The following FARP2 variants were observed in gnomAD, a reference collection of about 807,000 sequenced individuals.
FARP2 encodes the protein FERM, ARH/RhoGEF and pleckstrin domain protein 2.
Under a neutral mutation model 130.5 loss-of-function variants are expected in FARP2, and 111 were observed. That is an observed-to-expected ratio of 0.85 (90% CI 0.73 to 1.00). The LOEUF is 1.00. Ranked by LOEUF, FARP2 falls within the 50% of genes least tolerant of loss-of-function variation. The pLI, the probability that FARP2 is intolerant of heterozygous loss-of-function variation, is 0.00. For missense variants in FARP2, 1,385 were observed against 1,346.3 expected, an observed-to-expected ratio of 1.03 and a Z score of -0.45; for synonymous variants, 504 against 516.9, an observed-to-expected ratio of 0.98 and a Z score of 0.34.
At chr2:241,491,830 A>G (rs1315354413) in intron 24 of FARP2, 151 bp downstream of exon 24, 6 of 729,076 alleles carry the variant, frequency 8.2e-6, no homozygotes, top group Non-Finnish European at 1.3e-5. Flanking sequence ...AGAAGTTGGT[A>G]TGGAAAGTGC....
At chr2:241,419,931 C>G (rs1055783500) in intron 8 of FARP2, among the ~76,000 whole-genome samples, 3 of 152,154 alleles carry the variant, frequency 2.0e-5, no homozygotes, top group African/African-American at 7.2e-5. Flanking sequence ...GGGCAGATTG[C>G]TTGAGTCCAG....
chr2:241,395,233 T>C (rs2062001778), intron 2 of FARP2, among the ~76,000 whole-genome samples: 1 of 152,180 alleles, frequency 6.6e-6, no homozygotes, highest in Admixed American at 6.6e-5. Context: ...GAATATCTGC[T>C]CCTCTTCTAC....
chr2:241,437,380 A>T (rs1032260165), intron 12 of FARP2, among the ~76,000 whole-genome samples: 3 of 152,190 alleles, frequency 2.0e-5, no homozygotes, highest in African/African-American at 7.2e-5. Flanking sequence ...CTCATGTTTC[A>T]GGTCTACTTC....
At chr2:241,457,891 T>C (rs1171254176) in intron 14 of FARP2, among the ~76,000 whole-genome samples, 1 of 152,146 alleles carries the variant, frequency 6.6e-6, no homozygotes, top group Non-Finnish European at 1.5e-5. Flanking sequence ...TTCTCTGCTG[T>C]TGTGGCACGG....
At chr2:241,428,500 A>G (rs73116394) in intron 8 of FARP2, among the ~76,000 whole-genome samples, 14,587 of 151,916 alleles carry the variant, frequency 0.096, 771 homozygotes, top group Middle Eastern at 0.12. Flanking sequence ...CTGGCCTTCA[A>G]TATTTTACTT....
At chr2:241,419,839 G>A (rs761462034) in intron 8 of FARP2, among the ~76,000 whole-genome samples, 30 of 152,180 alleles carry the variant, frequency 2.0e-4, no homozygotes, top group Middle Eastern at 3.4e-3. Context: ...TAAAATTCTG[G>A]GAATTAACCG....
At chr2:241,458,584 C>T (rs142749869) in intron 14 of FARP2, among the ~76,000 whole-genome samples, 61 of 152,184 alleles carry the variant, frequency 4.0e-4, no homozygotes, top group African/African-American at 1.3e-3. Context: ...AGGGCTAGTT[C>T]TGGGCCCTGG....
At chr2:241,382,217 CT>C (rs947254211) in intron 2 of FARP2, among the ~76,000 whole-genome samples, 1 of 150,632 alleles carries the variant, frequency 6.6e-6, no homozygotes, top group Non-Finnish European at 1.5e-5. Context: ...ATATTCTGAA[CT>C]TTTTTTATAT....
At chr2:241,476,478 G>C (rs1304163746) in intron 19 of FARP2, among the ~76,000 whole-genome samples, 1 of 152,024 alleles carries the variant, frequency 6.6e-6, no homozygotes, top group African/African-American at 2.4e-5. Flanking sequence ...ACCTGAGGTT[G>C]GGAGTTCGAG....
chr2:241,474,199 G>A (rs879775636), intron 18 of FARP2, among the ~76,000 whole-genome samples: 2 of 151,474 alleles, frequency 1.3e-5, no homozygotes, highest in African/African-American at 2.4e-5. Context: ...CCAGCTACTC[G>A]GGAGGCTGAG....
At chr2:241,465,671 CA>C in intron 17 of FARP2, 1 of 1,550,966 alleles carries the variant, frequency 6.4e-7, no homozygotes, top group Non-Finnish European at 8.7e-7. Flanking sequence ...CCCTCCCTCT[CA>C]GGCTGCTCAT....
At chr2:241,366,086 C>A (rs2061297147) in intron 1 of FARP2, among the ~76,000 whole-genome samples, 1 of 2,466 alleles carries the variant, frequency 4.1e-4, no homozygotes, top group Non-Finnish European at 1.3e-3. Flanking sequence ...GAGACCTCAT[C>A]ACTACTAAAA....
chr2:241,437,164 G>T (rs2063252846), intron 12 of FARP2, among the ~76,000 whole-genome samples: 1 of 152,176 alleles, frequency 6.6e-6, no homozygotes, highest in African/African-American at 2.4e-5. Flanking sequence ...AGAGTATGTG[G>T]TAACATGGAG....
chr2:241,453,458 T>TA (rs1218069779), intron 13 of FARP2, among the ~76,000 whole-genome samples: 7 of 150,662 alleles, frequency 4.6e-5, no homozygotes, highest in Non-Finnish European at 8.9e-5. Flanking sequence ...CCGTCTCTAC[T>TA]AAAAATACAA....
At chr2:241,467,643 A>G (rs1408170277) in intron 17 of FARP2, among the ~76,000 whole-genome samples, 1 of 147,922 alleles carries the variant, frequency 6.8e-6, no homozygotes, top group Non-Finnish European at 1.5e-5. Flanking sequence ...TCCAGTCTCA[A>G]AAAAAAAAAA....
chr2:241,435,231 A>G (rs1018767984), intron 11 of FARP2, among the ~76,000 whole-genome samples: 1 of 147,572 alleles, frequency 6.8e-6, no homozygotes, highest in African/African-American at 2.5e-5. Flanking sequence ...GTAGCTGGGA[A>G]TATAGGCGCA....
intron 23 of FARP2, 151 bp from the exon 24 acceptor site, chr2:241,491,365 C>A: frequency 1.1e-6 from 1 of 885,336 alleles, no homozygotes; most frequent in Non-Finnish European, 1.8e-6. Flanking sequence ...CTGGCAGAAG[C>A]ACCTGTAGTT....
chr2:241,440,113 A>G (rs1052005415), intron 12 of FARP2, among the ~76,000 whole-genome samples: 4 of 152,052 alleles, frequency 2.6e-5, no homozygotes, highest in Admixed American at 2.0e-4. Context: ...GTGGCCTACT[A>G]TTTTGTTTCT....
intron 19 of FARP2, 56 bp from the exon 20 acceptor site, chr2:241,483,409 T>G: frequency 6.9e-7 from 1 of 1,459,504 alleles, no homozygotes; most frequent in South Asian, 1.1e-5. Context: ...GCCCGGCTAG[T>G]GCATCCGCCA....
Sources: gnomAD v4.1 joint callset for allele counts (sites outside exome capture counted in the v4.1 genomes callset) on GRCh38, gnomAD v4.1.1 for gene constraint, MANE v1.5 for transcripts, NCBI Gene and HGNC (gene_info 2026-07-23, HGNC 2026-07-21) for gene names.